The following NDUFA12 variants were observed in gnomAD, a reference collection of about 807,000 sequenced individuals.
NDUFA12 encodes NADH:ubiquinone oxidoreductase subunit A12, also known as NADH dehydrogenase [ubiquinone] 1 alpha subcomplex subunit 12.
A neutral mutation model predicts 20.3 loss-of-function variants in NDUFA12; 17 were observed. The ratio of observed to expected loss-of-function variants is 0.84; its 90% CI spans 0.57 to 1.26. The LOEUF is 1.26. Ranked by LOEUF, NDUFA12 falls within the 50% of genes most tolerant of loss-of-function variation. The probability of loss-of-function intolerance (pLI) is 0.00; values close to 1 mark genes in which losing one functional copy is unlikely to be tolerated. For missense variants in NDUFA12, 191 were observed against 183.7 expected (o/e 1.04, Z -0.23); for synonymous variants, 72 against 63.6 (o/e 1.13, Z -0.63).
chr12:94,976,270 A>G (rs988813054), intron 3 of NDUFA12, among the ~76,000 whole-genome samples: 2 of 152,222 alleles, frequency 1.3e-5, no homozygotes, highest in Admixed American at 1.3e-4. Flanking sequence ...AAAAGTTAAA[A>G]TAACTTGCAA....
intron 3 of NDUFA12, among the ~76,000 whole-genome samples, chr12:94,976,735 T>C (rs1167868833): frequency 6.6e-6 from 1 of 152,218 alleles, no homozygotes; most frequent in Non-Finnish European, 1.5e-5. Flanking sequence ...TTTCTACAAG[T>C]GGTGGGATAA....
At chr12:94,972,392 T>C in intron 3 of NDUFA12, 1 of 415,346 alleles carries the variant, frequency 2.4e-6, no homozygotes, top group Non-Finnish European at 4.9e-6. Flanking sequence ...CTGATAAAAA[T>C]ACAGTATTAC....
chr12:94,975,575 TC>T (rs1374328931), intron 3 of NDUFA12, among the ~76,000 whole-genome samples: 2 of 152,146 alleles, frequency 1.3e-5, no homozygotes, highest in African/African-American at 4.8e-5. Context: ...ACATGTATAC[TC>T]CTGGTGGATC....
intron 3 of NDUFA12, among the ~76,000 whole-genome samples, chr12:94,977,226 G>A (rs1037326166): frequency 6.6e-6 from 1 of 152,210 alleles, no homozygotes; most frequent in Non-Finnish European, 1.5e-5. Context: ...GCTAGGCACA[G>A]TGGCTGTCAC....
chr12:94,972,109 G>A (rs375898646), intron 3 of NDUFA12, among the ~76,000 whole-genome samples: 103 of 152,066 alleles, frequency 6.8e-4, no homozygotes, highest in Middle Eastern at 3.4e-3. Flanking sequence ...GAAGATTTTT[G>A]TAGAGATAGG....
chr12:95,001,766 G>A (rs892488139), intron 2 of NDUFA12, among the ~76,000 whole-genome samples: 6 of 152,060 alleles, frequency 3.9e-5, no homozygotes, highest in South Asian at 2.1e-4. Context: ...GTAGAGTGGC[G>A]GGATCTGGGC....
chr12:94,971,528 A>G lies in NDUFA12; in HGVS notation c.350T>C (p.Val117Ala). 1 of 1,614,216 alleles carries G rather than the reference A, an allele frequency of 6.2e-7. No homozygotes were observed. The highest frequency in any genetic ancestry group is 8.5e-7 in the Non-Finnish European group (1 of 1,180,036). ...TACATATTGTTCTGGGGTGCCAGTCACGTTGAATTTATGGTTCGTCCAAAT... is the reference window on the plus strand; with the variant it reads ...TACATATTGTTCTGGGGTGCCAGTCGCGTTGAATTTATGGTTCGTCCAAAT... ...KFIWTNHKFN[V>A]TGTPEQYVPY... Residue 117 changes from valine to alanine, a missense_variant, in exon 4 of 4, where the codon GTG (valine) becomes GCG (alanine). Transcript: ENST00000327772.
At position 94,985,451 on chromosome 12, in the gene NDUFA12, C is replaced by T. The variant is rs1221276211; in HGVS notation, c.257+8719G>A. ...AATCCTGGCTAACATGGTGAAACCT[C>T]GTCTCTACTAAAAAAATACAAAAAA... is the stretch of plus-strand genomic sequence containing the variant. On this transcript the variant is annotated intron_variant, in intron 3 of 3. Coordinates refer to ENST00000327772, the MANE Select transcript of NDUFA12 (RefSeq NM_018838.5). 2.6e-5 allele frequency among the ~76,000 whole-genome samples: 4 copies of T among 151,172 alleles called. No individual in the cohort carries two copies. In the South Asian group the frequency reaches 6.3e-4, roughly 24 times the overall value.
chr12:94,982,077 G>A (rs1323407855), intron 3 of NDUFA12, among the ~76,000 whole-genome samples: 1 of 152,128 alleles, frequency 6.6e-6, no homozygotes, highest in Non-Finnish European at 1.5e-5. Context: ...CTTTCCCTAG[G>A]TGAGATTATG....
At chr12:94,980,163 C>T (rs115790705) in intron 3 of NDUFA12, among the ~76,000 whole-genome samples, 1,700 of 152,200 alleles carry the variant, frequency 0.011, 27 homozygotes, top group African/African-American at 0.039. Context: ...TGACCATTGT[C>T]CTAAGCTCGA....
chr12:94,979,667 TAA>T lies in NDUFA12; in HGVS notation c.258-8049_258-8048del, dbSNP rs34412426. 6.1e-5 allele frequency among the ~76,000 whole-genome samples: 9 copies of T among 146,490 alleles called. No individual in the cohort carries two copies. The East Asian group carries it at 1.2e-3, about 20-fold the overall frequency. The stretch of plus-strand genomic sequence containing the variant: ...CTAACATGGAGAAACCCCACCCCTA[TAA>T]AAAAAAAAATACAAAAATTAGCTGG... On this transcript the variant is annotated intron_variant, in intron 3 of 3. Transcript: ENST00000327772.
Position 94,998,446 on chromosome 12 carries a change from C to T in NDUFA12, c.170-4189G>A, listed in dbSNP as rs561833150. On this transcript the variant is annotated intron_variant, in intron 2 of 3. Transcript: ENST00000327772. ...GAGACAAGGATGCCCACATTCACCA[C>T]TTCTATTCAACACAGTACTGGAAGT... is the stretch of plus-strand genomic sequence containing the variant. 3.3e-5 allele frequency among the ~76,000 whole-genome samples: 5 copies of T among 152,316 alleles called. No individual in the cohort carries two copies. In the East Asian group the frequency reaches 9.6e-4, roughly 29 times the overall value.
At chr12:94,974,782 T>C (rs1233753687) in intron 3 of NDUFA12, among the ~76,000 whole-genome samples, 1 of 151,978 alleles carries the variant, frequency 6.6e-6, no homozygotes, top group Non-Finnish European at 1.5e-5. Context: ...TTATTTGTGA[T>C]ACTTAAAACT....
At chr12:94,974,037 T>A (rs951472635) in intron 3 of NDUFA12, among the ~76,000 whole-genome samples, 1 of 149,674 alleles carries the variant, frequency 6.7e-6, no homozygotes, top group Non-Finnish European at 1.5e-5. Flanking sequence ...AGTGGTGATA[T>A]CTTGGCTCAC....
At chr12:94,980,054 T>A (rs1321188157) in intron 3 of NDUFA12, among the ~76,000 whole-genome samples, 1 of 152,162 alleles carries the variant, frequency 6.6e-6, no homozygotes, top group Non-Finnish European at 1.5e-5. Flanking sequence ...TTGGCAACAA[T>A]CAATACAACG....
chr12:94,984,445 G>A (rs990715813), intron 3 of NDUFA12, among the ~76,000 whole-genome samples: 5 of 151,970 alleles, frequency 3.3e-5, no homozygotes, highest in African/African-American at 7.3e-5. Context: ...CAGGAGAATC[G>A]CTTGAACCCA....
intron 2 of NDUFA12, chr12:94,997,018 C>T: frequency 1.2e-5 from 4 of 328,352 alleles, no homozygotes; most frequent in South Asian, 1.0e-4. Context: ...AAAATCTATT[C>T]TAGGTCTAAA....
At chr12:94,994,340 T>C (rs1874749654) in intron 2 of NDUFA12, 83 bp from the exon 3 acceptor site, 3 of 1,035,714 alleles carry the variant, frequency 2.9e-6, no homozygotes, top group African/African-American at 3.2e-5. Context: ...ACAACCTTTT[T>C]ATTAAGAAAA....
intron 2 of NDUFA12, 146 bp from the exon 3 acceptor site, chr12:94,994,403 G>A: frequency 1.6e-6 from 1 of 635,708 alleles, no homozygotes; most frequent in Non-Finnish European, 2.7e-6. Context: ...CACCCTGGGT[G>A]AATTCGTGAA....
Sources: gnomAD v4.1 joint callset for allele counts (sites outside exome capture counted in the v4.1 genomes callset) on GRCh38, gnomAD v4.1.1 for gene constraint, MANE v1.5 for transcripts, NCBI Gene and HGNC (gene_info 2026-07-23, HGNC 2026-07-21) for gene names.